NOCT: variants seen among roughly 807,000 people sequenced by gnomAD.
NOCT encodes CCR4 carbon catabolite repression 4-like.
NOCT carries 18 observed loss-of-function variants against 35.0 expected under a neutral mutation model. The ratio of observed to expected loss-of-function variants is 0.51; its 90% CI spans 0.36 to 0.76. The LOEUF is 0.76. Among genes scored for constraint, NOCT ranks in the 30% least tolerant of loss-of-function variants. NOCT has a pLI of 0.01. For missense variants in NOCT, 479 were observed against 541.0 expected, an observed-to-expected ratio of 0.89 and a Z score of 1.14; for synonymous variants, 235 against 226.3, an observed-to-expected ratio of 1.04 and a Z score of -0.34.
chr4:139,020,961 G>A (rs1006693353), intron 1 of NOCT, among the ~76,000 whole-genome samples: 12 of 151,460 alleles, frequency 7.9e-5, no homozygotes, highest in Non-Finnish European at 1.6e-4. Flanking sequence ...CAGCTGCTTC[G>A]GAAACTGAGG....
chr4:139,043,198 T>C lies in NOCT; in HGVS notation c.315T>C (p.Ile105=), dbSNP rs1578634407. Residue 105 remains isoleucine (I), a synonymous_variant, in exon 2 of 3, where the codon ATT becomes ATC. Coordinates refer to ENST00000280614, the MANE Select transcript of NOCT (RefSeq NM_012118.4). ...CTGACCCAGAGCATCTGGAGCCCAT[T>C]GATCCTAAAGAGCTTCTTGAGGAAT... ...VSPDPEHLEP[I]DPKELLEECR... 6.2e-7 allele frequency: 1 copy of C among 1,614,178 alleles called. No homozygotes were observed. The highest frequency in any genetic ancestry group is 2.2e-5 in the East Asian group (1 of 44,876).
In NOCT at chr4:139,045,827, A is replaced by G. The variant is rs1035790946; in HGVS notation, c.*353A>G. The stretch of plus-strand genomic sequence containing the variant: ...ACAATGCCAGAGGAAGGATAGAAAC[A>G]TGGGAAGTTTCTATCATTTCATTTT... On this transcript the variant is annotated 3_prime_UTR_variant, in exon 3 of 3. Transcript: ENST00000280614. 6.0e-6 allele frequency: 1 copy of G among 166,308 alleles called. No homozygotes were observed. The allele number at this position is 166,308 out of a possible 1,614,324, so 10.3% of individuals were successfully genotyped here.
chr4:139,044,166 C>T (rs923718254), intron 2 of NOCT, among the ~76,000 whole-genome samples: 3 of 150,778 alleles, frequency 2.0e-5, no homozygotes, highest in Admixed American at 1.3e-4. Flanking sequence ...GGGGAGATTC[C>T]GTGACTTACC....
intron 1 of NOCT, among the ~76,000 whole-genome samples, chr4:139,035,247 C>A (rs565793613): frequency 6.6e-6 from 1 of 152,088 alleles, no homozygotes; most frequent in Admixed American, 6.6e-5. Context: ...TTCAGCCTCC[C>A]GAATAGCTGG....
chr4:139,022,599 C>T (rs1430800779), intron 1 of NOCT, among the ~76,000 whole-genome samples: 2 of 152,170 alleles, frequency 1.3e-5, no homozygotes, highest in East Asian at 1.9e-4. Flanking sequence ...TGAGGAGGCT[C>T]GTTTTACTAA....
Position 139,043,296 on chromosome 4 carries a change from G to C in NOCT, c.413G>C (p.Ser138Thr), listed in dbSNP as rs1459094119. 6.2e-7 allele frequency: 1 copy of C among 1,614,038 alleles called. No homozygotes were observed. Among genetic ancestry groups the C allele is most frequent in the Non-Finnish European group, 8.5e-7 (1 of 1,180,028 alleles). ...DFVDLRTDCP[S>T]THPPIRVMQW... ...GTGGATCTGAGGACAGATTGCCCTA[G>C]TACCCACCCACCTATCAGGGTTATG... is the stretch of plus-strand genomic sequence containing the variant. The change falls in exon 2 of 3, where the codon AGT becomes ACT. Residue 138 changes from serine (S) to threonine (T), a missense_variant. Ser to Thr is a moderately conservative substitution (Grantham distance 58). Around this residue, in one of 2 missense-constraint regions of NOCT, gnomAD observed 265 missense variants for 257.0 expected, o/e 1.03. Coordinates refer to ENST00000280614, the MANE Select transcript of NOCT (RefSeq NM_012118.4).
Position 139,015,898 on chromosome 4 carries a change from A to G in NOCT, c.-84A>G. ...GAGCATCCGCCCACACTGCCCGGACAGTCGGCTCGACTCGGTGCCCTCGGC... is the reference window on the plus strand; with the variant it reads ...GAGCATCCGCCCACACTGCCCGGACGGTCGGCTCGACTCGGTGCCCTCGGC... On this transcript the variant is annotated 5_prime_UTR_variant, in exon 1 of 3. Coordinates refer to ENST00000280614, the MANE Select transcript of NOCT (RefSeq NM_012118.4). The G allele has an allele frequency of 1.8e-6, 2 of 1,107,740 alleles. No homozygotes were observed. Among genetic ancestry groups the G allele is most frequent in the East Asian group, 3.6e-5 (1 of 27,998 alleles). The allele number at this position is 1,107,740 out of a possible 1,614,324, so 68.6% of individuals were successfully genotyped here.
At chr4:139,024,970 G>A (rs776206861) in intron 1 of NOCT, among the ~76,000 whole-genome samples, 37 of 152,194 alleles carry the variant, frequency 2.4e-4, no homozygotes, top group Non-Finnish European at 4.8e-4. Context: ...TGTTGAATGC[G>A]TGAGAGGGAG....
chr4:139,039,128 G>T (rs1471114321), intron 1 of NOCT, among the ~76,000 whole-genome samples: 1 of 123,436 alleles, frequency 8.1e-6, no homozygotes, highest in Non-Finnish European at 1.6e-5. Flanking sequence ...TTGAGCTCAG[G>T]AGTTTGAGAC....
Position 139,044,673 on chromosome 4 carries a change from C to T in NOCT, c.495C>T (p.Cys165=), listed in dbSNP as rs752691900. The part of the protein sequence containing the change: ...LGEGKDNFVQ[C]PVEALKWEER... ...AAGGCAAAGACAACTTTGTACAGTG[C>T]CCTGTTGAAGCACTCAAATGGGAAG... is the stretch of plus-strand genomic sequence containing the variant. The change falls in exon 3 of 3, where the codon TGC becomes TGT. Residue 165 remains cysteine, a synonymous_variant. Transcript: ENST00000280614. 1 of 1,613,928 alleles carries T rather than the reference C, an allele frequency of 6.2e-7. No homozygotes were observed. Among genetic ancestry groups the T allele is most frequent in the South Asian group, 1.1e-5 (1 of 91,078 alleles).
At position 139,043,277 on chromosome 4, in the gene NOCT, C is replaced by T; in HGVS notation, c.394C>T (p.Leu132=). ...CCGGTTCCAGAGGGATTTTGTGGAT[C>T]TGAGGACAGATTGCCCTAGTACCCA... The part of the protein sequence containing the change: ...PPRFQRDFVD[L]RTDCPSTHPP... The change falls in exon 2 of 3, where the codon CTG becomes TTG. Residue 132 remains leucine (L), a synonymous_variant. Coordinates refer to ENST00000280614, the MANE Select transcript of NOCT (RefSeq NM_012118.4). 6.2e-7 allele frequency: 1 copy of T among 1,614,168 alleles called. No homozygotes were observed. The highest frequency in any genetic ancestry group is 2.2e-5 in the East Asian group (1 of 44,876).
rs1038692420 is a variant in NOCT, at chr4:139,016,171, G to A, written c.190G>A (p.Val64Met). The A allele has an allele frequency of 8.0e-7, 1 of 1,252,542 alleles. No homozygotes were observed. The highest frequency in any genetic ancestry group is 1.0e-6 in the Non-Finnish European group (1 of 1,000,256). The allele number at this position is 1,252,542 out of a possible 1,614,324, so 77.6% of individuals were successfully genotyped here. ...CGCCGCGAGGTCGTGTTCCCGAACA[G>A]GTGAGTGCACCCCAGTTCCGGGCGG... ...SGAARSCSRT[V>M]CSMGTGTSRL... The change falls in exon 1 of 3, where the codon GTG becomes ATG. Residue 64 changes from valine to methionine, a missense_variant and splice_region_variant. Transcript: ENST00000280614.
chr4:139,016,215 A>T (rs1405582991), intron 1 of NOCT, 44 bp downstream of exon 1: 1 of 1,176,386 alleles, frequency 8.5e-7, no homozygotes, highest in East Asian at 3.4e-5. Flanking sequence ...ACGGCCGCCA[A>T]CGCGCGGCCG....
At chr4:139,028,184 A>G (rs1032208461) in intron 1 of NOCT, 4 of 152,252 alleles carry the variant, frequency 2.6e-5, no homozygotes, top group African/African-American at 9.6e-5. Context: ...TTTGTCAGCC[A>G]ATAGACAATT....
chr4:139,035,767 A>G (rs779854953), intron 1 of NOCT, among the ~76,000 whole-genome samples: 1 of 152,116 alleles, frequency 6.6e-6, no homozygotes, highest in South Asian at 2.1e-4. Context: ...GCCCTACCCG[A>G]TCTGCTCCCT....
chr4:139,037,040 TA>T (rs1229069765), intron 1 of NOCT, among the ~76,000 whole-genome samples: 1 of 152,212 alleles, frequency 6.6e-6, no homozygotes, highest in Non-Finnish European at 1.5e-5. Context: ...TGCAACAGAC[TA>T]ATGTTTCCCA....
intron 1 of NOCT, among the ~76,000 whole-genome samples, chr4:139,020,789 G>A (rs1726394740): frequency 6.6e-6 from 1 of 152,114 alleles, no homozygotes; most frequent in African/African-American, 2.4e-5. Context: ...GGTCTGGCCG[G>A]GCACAGTGGT....
At chr4:139,034,509 G>A (rs1046866699) in intron 1 of NOCT, among the ~76,000 whole-genome samples, 25 of 151,972 alleles carry the variant, frequency 1.6e-4, no homozygotes, top group African/African-American at 6.0e-4. Context: ...AAAATAATAC[G>A]TAAAGTCTAT....
At chr4:139,043,980 GTATATATATATA>G (rs59044230) in intron 2 of NOCT, 5 of 135,392 alleles carry the variant, frequency 3.7e-5, no homozygotes, top group South Asian at 2.3e-4. Flanking sequence ...AAAAAAATAT[GTATATATATATA>G]TATATATATA....
Sources: gnomAD v4.1 joint callset for allele counts (sites outside exome capture counted in the v4.1 genomes callset) on GRCh38, gnomAD v4.1.1 for gene constraint, gnomAD v4.1.1 regional missense constraint, MANE v1.5 for transcripts, NCBI Gene and HGNC (gene_info 2026-07-23, HGNC 2026-07-21) for gene names.